Variants in CD1D observed in about 807,000 individuals in gnomAD.
The protein encoded by CD1D is CD1d molecule.
A neutral mutation model predicts 42.1 loss-of-function variants in CD1D; 40 were observed. That is an observed-to-expected ratio of 0.95 (90% CI 0.74 to 1.24). The LOEUF (loss-of-function observed/expected upper bound fraction) is 1.24. Among genes scored for constraint, CD1D ranks in the 50% most tolerant of loss-of-function variants. The probability of loss-of-function intolerance (pLI) is 0.00; values close to 1 mark genes in which losing one functional copy is unlikely to be tolerated. For synonymous variants in CD1D, 178 were observed against 171.8 expected, an observed-to-expected ratio of 1.04 and a Z score of -0.28; for missense variants, 437 against 416.5, an observed-to-expected ratio of 1.05 and a Z score of -0.43.
In CD1D at chr1:158,183,161, G is replaced by C. The variant is rs999650367; in HGVS notation, c.886+5G>C. On this transcript the variant is annotated splice_donor_5th_base_variant and intron_variant, in intron 4 of 5. Transcript: ENST00000674085. ...AGGACATCGTCCTCTACTGGGGTGA[G>C]AAAAAGCTGGGCCCAAGCTGGAAAT... The C allele has an allele frequency of 3.8e-6, 6 of 1,586,234 alleles. No homozygotes were observed. Among genetic ancestry groups the C allele is most frequent in the Non-Finnish European group, 4.3e-6 (5 of 1,162,470 alleles).
At chr1:158,181,890 C>G (rs1482002594) in intron 2 of CD1D, 142 bp from the exon 3 acceptor site, 1 of 1,339,830 alleles carries the variant, frequency 7.5e-7, no homozygotes, top group African/African-American at 1.5e-5. Flanking sequence ...CAAAGTGTCC[C>G]TCGTTCCTGC....
chr1:158,180,892 T>C (rs1024888782), upstream of CD1D: 9 of 441,338 alleles, frequency 2.0e-5, no homozygotes, highest in Admixed American at 3.0e-4. Context: ...CCCCGACCTC[T>C]TTGCAGCTCG....
In CD1D at chr1:158,181,075, C is replaced by G; in HGVS notation, c.-27C>G. 1 of 1,536,366 alleles carries G rather than the reference C, an allele frequency of 6.5e-7. No individual in the cohort carries two copies. On this transcript the variant is annotated 5_prime_UTR_variant, in exon 1 of 6. Transcript: ENST00000674085. ...GGTCAGAGGGCGGCGCGCAGCGGCG[C>G]TCCGCGAGGTCCCCACGCCGGGCGA...
upstream of CD1D, among the ~76,000 whole-genome samples, chr1:158,179,638 C>A (rs913270064): frequency 1.3e-5 from 2 of 152,164 alleles, no homozygotes; most frequent in African/African-American, 4.8e-5. Flanking sequence ...CCCTACTTCT[C>A]CTGCCTAGGG....
rs981296822 is a variant in CD1D, at chr1:158,185,302, C to A, written c.*1152C>A. ...CCCAGAAAAAATAAGTGAGACTTAA[C>A]GGTTGGAGAGTGTTTGCTTGAGAAA... is the stretch of plus-strand genomic sequence containing the variant. On this transcript the variant is annotated 3_prime_UTR_variant, in exon 6 of 6. Coordinates refer to ENST00000674085, the MANE Select transcript of CD1D (RefSeq NM_001371762.2). Among the ~76,000 whole-genome samples the A allele has an allele frequency of 6.6e-6, 1 of 152,196 alleles. No homozygotes were observed. Among genetic ancestry groups the A allele is most frequent in the Admixed American group, 6.5e-5 (1 of 15,282 alleles).
At chr1:158,182,649 G>A (rs1270909597) in intron 3 of CD1D, among the ~76,000 whole-genome samples, 1 of 152,168 alleles carries the variant, frequency 6.6e-6, no homozygotes, top group African/African-American at 2.4e-5. Flanking sequence ...GCATTCATAG[G>A]AGGCTGGGAC....
chr1:158,178,506 T>A (rs1648255354), upstream of CD1D, among the ~76,000 whole-genome samples: 1 of 152,170 alleles, frequency 6.6e-6, no homozygotes, highest in Non-Finnish European at 1.5e-5. Flanking sequence ...TCCAACTAAT[T>A]TGACGTTGTG....
chr1:158,183,724 C>G (rs1301047499), intron 4 of CD1D, among the ~76,000 whole-genome samples: 1 of 152,218 alleles, frequency 6.6e-6, no homozygotes, highest in African/African-American at 2.4e-5. Context: ...CTCTATGCTA[C>G]ACTAGCAAAT....
At chr1:158,182,377 G>C (rs567062811) in intron 3 of CD1D, 67 bp downstream of exon 3, 2 of 1,562,050 alleles carry the variant, frequency 1.3e-6, no homozygotes. Flanking sequence ...CCATTCCAGG[G>C]TTCTCATCCC....
Position 158,182,274 on chromosome 1 carries a change from C to T in CD1D, c.571C>T (p.Leu191Phe), listed in dbSNP as rs768667642. ...NGTCPQFVSG[L>F]LESGKSELKK... The stretch of plus-strand genomic sequence containing the variant: ...CACCTGCCCCCAATTTGTCAGTGGC[C>T]TCCTTGAGTCAGGGAAGTCGGAACT... The change falls in exon 3 of 6, where the codon CTC becomes TTC. Residue 191 changes from leucine to phenylalanine, a missense_variant. Coordinates refer to ENST00000674085, the MANE Select transcript of CD1D (RefSeq NM_001371762.2). 6.8e-6 allele frequency: 11 copies of T among 1,614,006 alleles called. No homozygotes were observed. Among genetic ancestry groups the T allele is most frequent in the South Asian group, 1.1e-5 (1 of 91,082 alleles).
At position 158,181,389 on chromosome 1, in the gene CD1D, C is replaced by T; in HGVS notation, c.62-66C>T. On this transcript the variant is annotated intron_variant, in intron 1 of 5. Coordinates refer to ENST00000674085, the MANE Select transcript of CD1D (RefSeq NM_001371762.2). Reference sequence around the variant, plus strand: ...CTCATCTCCTCTTGTTTCTTTCTTCCTTCTCTTTATGCTGGCTGCTCTCCC... The same window carrying T: ...CTCATCTCCTCTTGTTTCTTTCTTCTTTCTCTTTATGCTGGCTGCTCTCCC... The T allele has an allele frequency of 2.5e-6, 4 of 1,587,066 alleles. 1 individual carries two copies. The highest frequency in any genetic ancestry group is 1.7e-6 in the Non-Finnish European group (2 of 1,160,954).
rs754401833 is a variant in CD1D at position 158,182,237 on chromosome 1, G to T, written c.534G>T (p.Trp178Cys). The T allele has an allele frequency of 6.2e-6, 10 of 1,614,040 alleles. No homozygotes were observed. The South Asian group carries it at 6.6e-5, about 11-fold the overall frequency. ...QDKWTRETVQ[W>C]LLNGTCPQFV... ...AGTGGACGAGGGAAACAGTGCAGTG[G>T]CTCCTTAATGGCACCTGCCCCCAAT... Residue 178 changes from tryptophan (W) to cysteine (C), a missense_variant, in exon 3 of 6, where the codon TGG (tryptophan) becomes TGT (cysteine). Trp to Cys is a radical substitution (Grantham distance 215). Coordinates refer to ENST00000674085, the MANE Select transcript of CD1D (RefSeq NM_001371762.2).
In CD1D at chr1:158,182,992, G is replaced by T; in HGVS notation, c.722G>T (p.Gly241Val). 6.2e-7 allele frequency: 1 copy of T among 1,614,220 alleles called. No homozygotes were observed. ...PKPVWVKWMRGEQEQQGTQPG... is the reference protein window; with the variant it reads ...PKPVWVKWMRVEQEQQGTQPG... The stretch of plus-strand genomic sequence containing the variant: ...CCTGTATGGGTGAAGTGGATGCGGG[G>T]TGAGCAGGAGCAGCAGGGCACTCAG... Residue 241 changes from glycine to valine, a missense_variant, in exon 4 of 6, where the codon GGT (glycine) becomes GTT (valine). Transcript: ENST00000674085.
intron 2 of CD1D, 90 bp downstream of exon 2, chr1:158,181,811 A>C (rs1022763303): frequency 6.6e-7 from 1 of 1,510,736 alleles, no homozygotes; most frequent in Non-Finnish European, 9.0e-7. Flanking sequence ...CCACCTGATG[A>C]GATTCTCTGC....
upstream of CD1D, chr1:158,179,954 A>C (rs1400784011): frequency 1.3e-5 from 2 of 152,108 alleles, no homozygotes; most frequent in Non-Finnish European, 2.9e-5. Context: ...TTTGTTTTCT[A>C]CCCAAGAATG....
Position 158,184,248 on chromosome 1 carries a change from G to GTATCTCTCCTATCTTC in CD1D, c.*98_*99insTATCTCTCCTATCTTC. On this transcript the variant is annotated 3_prime_UTR_variant, in exon 6 of 6. Coordinates refer to ENST00000674085, the MANE Select transcript of CD1D (RefSeq NM_001371762.2). ...TCTGCTCAGGAATTGAAGATGTAAG[G>GTATCTCTCCTATCTTC]AATTGAAGATAGGAGAGATACCTTG... 7.8e-7 allele frequency: 1 copy of GTATCTCTCCTATCTTC among 1,274,696 alleles called. No individual in the cohort carries two copies. The highest frequency in any genetic ancestry group is 1.1e-6 in the Non-Finnish European group (1 of 883,618). The allele number at this position is 1,274,696 out of a possible 1,614,324, so 79.0% of individuals were successfully genotyped here.
At chr1:158,182,530 A>G (rs1216466124) in intron 3 of CD1D, 2 of 617,242 alleles carry the variant, frequency 3.2e-6, no homozygotes, top group Non-Finnish European at 5.7e-6. Context: ...GGTGTCAGGC[A>G]GTTAGTTAGG....
upstream of CD1D, chr1:158,180,678 A>C (rs1366947484): frequency 5.8e-6 from 1 of 172,972 alleles, no homozygotes; most frequent in African/African-American, 2.4e-5. Context: ...TGCTAAAGCA[A>C]GGACTTTGAT....
chr1:158,182,385 C>A (rs1350929273), intron 3 of CD1D, 75 bp downstream of exon 3: 2 of 1,532,206 alleles, frequency 1.3e-6, no homozygotes, highest in East Asian at 4.5e-5. Flanking sequence ...GGGTTCTCAT[C>A]CCTTTGAGCA....
Sources: allele counts gnomAD v4.1 joint callset (sites outside exome capture counted in the v4.1 genomes callset), GRCh38; gene constraint gnomAD v4.1.1; transcripts MANE v1.5; gene names NCBI Gene and HGNC (gene_info 2026-07-23, HGNC 2026-07-21).